Variants in ANO8 observed in about 807,000 individuals in gnomAD.
The protein encoded by ANO8 is anoctamin 8.
Under a neutral mutation model 120.4 loss-of-function variants are expected in ANO8, and 67 were observed. That is an observed-to-expected ratio of 0.56 (90% CI 0.46 to 0.68). ANO8 has a LOEUF of 0.68. Ranked by LOEUF, ANO8 falls within the 30% of genes least tolerant of loss-of-function variation. The pLI is 0.00. For synonymous variants in ANO8, 727 were observed against 759.2 expected, an observed-to-expected ratio of 0.96 and a Z score of 0.70; for missense variants, 1,526 against 1,737.6, an observed-to-expected ratio of 0.88 and a Z score of 2.16.
chr19:17,331,522 T>G, intron 5 of ANO8, 111 bp from the exon 6 acceptor site: 1 of 892,098 alleles, frequency 1.1e-6, no homozygotes, highest in Non-Finnish European at 1.8e-6. Context: ...CTTAAACCTC[T>G]AGAGCTCTTT....
At position 17,333,605 on chromosome 19, in the gene ANO8, CCT is replaced by C; in HGVS notation, c.218-53_218-52del. The C allele has an allele frequency of 6.3e-7, 1 of 1,582,248 alleles. No individual in the cohort carries two copies. The highest frequency in any genetic ancestry group is 2.3e-5 in the East Asian group (1 of 42,620). On this transcript the variant is annotated intron_variant, in intron 2 of 17. Transcript: ENST00000159087. This position sits in a 1 kb window ranked among gnomAD's most constrained non-coding sequence, Gnocchi z 7.2. ...GCTCCTGCCACGAGGGGGCCCAAGGCCTCCTACGTATTCCCGTTCTGGGAAGC... is the reference window on the plus strand; with the variant it reads ...GCTCCTGCCACGAGGGGGCCCAAGGCCCTACGTATTCCCGTTCTGGGAAGC...
Position 17,333,613 on chromosome 19 carries a change from G to C in ANO8, c.218-59C>G. The C allele has an allele frequency of 6.5e-7, 1 of 1,538,028 alleles. No individual in the cohort carries two copies. Among genetic ancestry groups the C allele is most frequent in the Non-Finnish European group, 8.7e-7 (1 of 1,143,106 alleles). On this transcript the variant is annotated intron_variant, in intron 2 of 17. Transcript: ENST00000159087. This position sits in a 1 kb window ranked among gnomAD's most constrained non-coding sequence, Gnocchi z 7.2. ...CACGAGGGGGCCCAAGGCCTCCTACGTATTCCCGTTCTGGGAAGCCGAGCT... is the reference window on the plus strand; with the variant it reads ...CACGAGGGGGCCCAAGGCCTCCTACCTATTCCCGTTCTGGGAAGCCGAGCT...
At chr19:17,331,573 C>A (rs542754227) in intron 5 of ANO8, among the ~76,000 whole-genome samples, 162 bp from the exon 6 acceptor site, 2 of 152,020 alleles carry the variant, frequency 1.3e-5, no homozygotes. Flanking sequence ...TCTGATTCTC[C>A]TTCAGAAATT....
At chr19:17,334,471 A>T in intron 1 of ANO8, 94 bp downstream of exon 1, 4 of 1,136,558 alleles carry the variant, frequency 3.5e-6, no homozygotes, top group Middle Eastern at 4.2e-4. Flanking sequence ...ACACCACGCC[A>T]GGTTACGTTT....
In ANO8 at chr19:17,329,942, C is replaced by G. The variant is rs200498699; in HGVS notation, c.1329+17G>C. On this transcript the variant is annotated intron_variant, in intron 11 of 17. Coordinates refer to ENST00000159087, the MANE Select transcript of ANO8 (RefSeq NM_020959.3). ...CTTCCCCGTTGTCCCCCTGCCTGTC[C>G]GATGGTGGTGACTCACCAGGACAAC... 4,394 of 1,614,014 alleles carry G rather than the reference C, an allele frequency of 2.7e-3. 7 individuals carry two copies. Among genetic ancestry groups the G allele is most frequent in the Non-Finnish European group, 3.5e-3 (4,180 of 1,180,000 alleles).
At position 17,324,737 on chromosome 19, in the gene ANO8, C is replaced by T. The variant is rs761178558; in HGVS notation, c.3311G>A (p.Arg1104Gln). The T allele has an allele frequency of 4.6e-6, 7 of 1,527,984 alleles. No individual in the cohort carries two copies. In the African/African-American group the frequency reaches 5.6e-5, roughly 12 times the overall value. The allele number at this position is 1,527,984 out of a possible 1,614,324, so 94.7% of individuals were successfully genotyped here. ...GTGACCTGAGCCTTCCTCTTCGGGC[C>T]GGGGGGCTTCCAGCTCCTCAGCCAG... ...EALAEELEAP[R>Q]PEEEGSGTAL... Residue 1104 changes from arginine (R) to glutamine (Q), a missense_variant, in exon 17 of 18, where the codon CGG (arginine) becomes CAG (glutamine). Around this residue, in one of 8 missense-constraint regions of ANO8, gnomAD observed 489 missense variants for 548.6 expected, o/e 0.89. Transcript: ENST00000159087.
rs757710448 is a variant in ANO8 at position 17,331,149 on chromosome 19, G to A, written c.770C>T (p.Ser257Leu). ...MYFAWLGFYTSAMVYPAVFGS... is the reference protein window; with the variant it reads ...MYFAWLGFYTLAMVYPAVFGS... ...GAAGACAGCTGGGTATACCATAGCC[G>A]ACGTGTAGAAGCCCAGCCAGGCGAA... Residue 257 changes from serine to leucine, a missense_variant, in exon 7 of 18, where the codon TCG becomes TTG. By Grantham distance (145) the Ser-to-Leu change is moderately radical (BLOSUM62 -2). This residue lies in a region of ANO8 where 322 missense variants were observed against 431.8 expected (regional missense o/e 0.75). Coordinates refer to ENST00000159087, the MANE Select transcript of ANO8 (RefSeq NM_020959.3). 1.1e-5 allele frequency: 17 copies of A among 1,614,178 alleles called. No individual in the cohort carries two copies. The highest frequency in any genetic ancestry group is 1.4e-5 in the Non-Finnish European group (17 of 1,180,030).
At chr19:17,329,658 G>T in intron 12 of ANO8, 99 bp downstream of exon 12, 3 of 841,414 alleles carry the variant, frequency 3.6e-6, no homozygotes, top group South Asian at 1.5e-5. Context: ...GAGGAGGGGA[G>T]GGAGGGGCTG....
chr19:17,324,992 G>A lies in ANO8; in HGVS notation c.3056C>T (p.Thr1019Ile). Residue 1019 changes from threonine to isoleucine, a missense_variant, in exon 17 of 18, where the codon ACC (threonine) becomes ATC (isoleucine). Coordinates refer to ENST00000159087, the MANE Select transcript of ANO8 (RefSeq NM_020959.3). ...GAAGCTGAGGAAGGCAGGCAGGCGG[G>A]TGTCGCTGCCTGTGGGTGACTGGGC... ...PPAQSPTGSD[T>I]RLPAFLSFKF... 6.2e-7 allele frequency: 1 copy of A among 1,613,062 alleles called. No individual in the cohort carries two copies. The highest frequency in any genetic ancestry group is 8.5e-7 in the Non-Finnish European group (1 of 1,179,928).
At chr19:17,326,573 C>T (rs1255045675) in intron 16 of ANO8, among the ~76,000 whole-genome samples, 1 of 152,094 alleles carries the variant, frequency 6.6e-6, no homozygotes, top group Non-Finnish European at 1.5e-5. Context: ...CAGGTAGCCA[C>T]GCGAGGCTCT....
Position 17,333,612 on chromosome 19 carries a change from C to T in ANO8, c.218-58G>A, listed in dbSNP as rs1327895028. 7.0e-7 allele frequency: 1 copy of T among 1,428,562 alleles called. No individual in the cohort carries two copies. The highest frequency in any genetic ancestry group is 9.3e-7 in the Non-Finnish European group (1 of 1,072,496). The allele number at this position is 1,428,562 out of a possible 1,614,324, so 88.5% of individuals were successfully genotyped here. A position where few individuals can be genotyped will look rare whatever the true frequency, so the allele number is the denominator to read the frequency against. On this transcript the variant is annotated intron_variant, in intron 2 of 17. Transcript: ENST00000159087. This position sits in a 1 kb window ranked among gnomAD's most constrained non-coding sequence, Gnocchi z 7.2. Reference sequence around the variant, plus strand: ...CCACGAGGGGGCCCAAGGCCTCCTACGTATTCCCGTTCTGGGAAGCCGAGC... The same window carrying T: ...CCACGAGGGGGCCCAAGGCCTCCTATGTATTCCCGTTCTGGGAAGCCGAGC...
intron 16 of ANO8, 123 bp downstream of exon 16, chr19:17,327,112 T>C (rs2074277685): frequency 3.4e-6 from 3 of 886,746 alleles, no homozygotes; most frequent in Non-Finnish European, 5.0e-6. Context: ...GGAGCACTAA[T>C]TATTATACCC....
Position 17,333,092 on chromosome 19 carries a change from C to T in ANO8, c.489+9G>A, listed in dbSNP as rs2074331527. On this transcript the variant is annotated intron_variant, in intron 4 of 17. Coordinates refer to ENST00000159087, the MANE Select transcript of ANO8 (RefSeq NM_020959.3). The surrounding 1 kb of genome is among the most constrained non-coding windows in gnomAD (Gnocchi z 7.2). ...CAGGATGCATGCGGGGGCCCAGAGCCGGCCTCACCTGGGAGGTGAAGAAGC... is the reference window on the plus strand; with the variant it reads ...CAGGATGCATGCGGGGGCCCAGAGCTGGCCTCACCTGGGAGGTGAAGAAGC... 6.2e-7 allele frequency: 1 copy of T among 1,613,696 alleles called. No individual in the cohort carries two copies.
At position 17,327,695 on chromosome 19, in the gene ANO8, C is replaced by G. The variant is rs779978623; in HGVS notation, c.2412G>C (p.Gln804His). Residue 804 changes from glutamine (Q) to histidine (H), a missense_variant, in exon 14 of 18, where the codon CAG becomes CAC. Physicochemically the swap from Gln to His is conservative, Grantham distance 24. Around this residue, in one of 8 missense-constraint regions of ANO8, gnomAD observed 77 missense variants for 131.5 expected, o/e 0.59. Coordinates refer to ENST00000159087, the MANE Select transcript of ANO8 (RefSeq NM_020959.3). The part of the protein sequence containing the change: ...PFGQRVESIG[Q>H]WQKVMEAMGV... ...TCTCTTGGCTTCCCCCCACCTGCCA[C>G]TGGCCGATGCTTTCCACGCGCTGGC... 11 of 1,612,748 alleles carry G rather than the reference C, an allele frequency of 6.8e-6. No individual in the cohort carries two copies. The highest frequency in any genetic ancestry group is 2.2e-5 in the East Asian group (1 of 44,844).
chr19:17,325,461 C>T (rs2074268521), intron 16 of ANO8, 75 bp from the exon 17 acceptor site: 1 of 1,494,900 alleles, frequency 6.7e-7, no homozygotes, highest in Admixed American at 2.3e-5. Flanking sequence ...CTGGTGCATG[C>T]CAGGGCTCTC....
In ANO8 at chr19:17,323,425, C is replaced by T. The variant is rs1174562088; in HGVS notation, c.*92G>A. ...GGCACCGACCAATACTGGGGGCCCT[C>T]GGGGGCTGAAGCGCATTTTGCATTT... On this transcript the variant is annotated 3_prime_UTR_variant, in exon 18 of 18. Transcript: ENST00000159087. The T allele has an allele frequency of 1.9e-5, 24 of 1,259,376 alleles. No homozygotes were observed. In the East Asian group the frequency reaches 4.9e-4, roughly 26 times the overall value. The allele number at this position is 1,259,376 out of a possible 1,614,324, so 78.0% of individuals were successfully genotyped here.
rs2074282311 is a variant in ANO8, at chr19:17,327,728, C to T, written c.2379G>A (p.Arg793=). ...DAFKLCTGLQ[R]PFGQRVESIG... is the part of the protein sequence containing the mutation. ...TGCTTTCCACGCGCTGGCCGAAGGG[C>T]CGCTGCAGCCCGGTGCACAGCTTGA... The change falls in exon 14 of 18, where the codon CGG becomes CGA. Residue 793 remains arginine, a synonymous_variant. Transcript: ENST00000159087. The T allele has an allele frequency of 1.2e-6, 2 of 1,613,904 alleles. No individual in the cohort carries two copies. The highest frequency in any genetic ancestry group is 1.7e-6 in the Non-Finnish European group (2 of 1,179,930).
chr19:17,332,224 C>T (rs1215045236), intron 5 of ANO8, among the ~76,000 whole-genome samples: 6 of 148,808 alleles, frequency 4.0e-5, no homozygotes, highest in African/African-American at 1.5e-4. Context: ...CGTCAGCCAC[C>T]GCGCCCGGCC....
At chr19:17,329,916 G>A (rs970004014) in intron 11 of ANO8, 43 bp downstream of exon 11, 1 of 1,613,862 alleles carries the variant, frequency 6.2e-7, no homozygotes, top group Non-Finnish European at 8.5e-7. Context: ...AGACGGCACA[G>A]CTTCCCCGTT....
Sources: allele counts gnomAD v4.1 joint callset (sites outside exome capture counted in the v4.1 genomes callset), GRCh38; gene constraint gnomAD v4.1.1; regional missense constraint gnomAD v4.1.1; non-coding constraint Gnocchi (gnomAD v3.1); transcripts MANE v1.5; gene names NCBI Gene and HGNC (gene_info 2026-07-23, HGNC 2026-07-21).